PREX1: variants seen among roughly 807,000 people sequenced by gnomAD.
PREX1 encodes the protein phosphatidylinositol 3,4,5-trisphosphate-dependent Rac exchanger 1 protein.
PREX1 carries 41 observed loss-of-function variants against 198.3 expected under a neutral mutation model. That is an observed-to-expected ratio of 0.21 (90% CI 0.16 to 0.27). The LOEUF (loss-of-function observed/expected upper bound fraction) is 0.27. PREX1 is among the 10% of genes least tolerant of loss of function. The pLI, the probability that PREX1 is intolerant of heterozygous loss-of-function variation, is 1.00. For synonymous variants in PREX1, 843 were observed against 887.2 expected (o/e 0.95, Z 0.89); for missense variants, 1,620 against 2,200.7 (o/e 0.74, Z 5.28).
In PREX1 at chr20:48,666,699, GTATTT is replaced by G. The variant is rs1299888551; in HGVS notation, c.1666-349_1666-345del. On this transcript the variant is annotated intron_variant, in intron 14 of 39. Transcript: ENST00000371941. The surrounding 1 kb of genome is among the most constrained non-coding windows in gnomAD (Gnocchi z 4.3). ...TGCCACCACGCCCGGCTAATTTTTT[GTATTT>G]TTAGTAGAGACGGGGTTTCACTGTG... Among the ~76,000 whole-genome samples the G allele has an allele frequency of 1.3e-5, 2 of 151,958 alleles. No individual in the cohort carries two copies. Among genetic ancestry groups the G allele is most frequent in the African/African-American group, 4.8e-5 (2 of 41,370 alleles).
At chr20:48,825,145 A>G (rs1180094218) in intron 1 of PREX1, among the ~76,000 whole-genome samples, 1 of 152,184 alleles carries the variant, frequency 6.6e-6, no homozygotes, top group East Asian at 1.9e-4. Context: ...TTAGTTTTGA[A>G]AACGAAAATG....
chr20:48,722,918 TAAG>T (rs1007303574), intron 5 of PREX1, among the ~76,000 whole-genome samples: 11 of 152,164 alleles, frequency 7.2e-5, no homozygotes, highest in South Asian at 2.1e-4. Context: ...AGGAAATAAC[TAAG>T]AAGATCAGTG....
At chr20:48,668,181 G>A (rs2089652032) in intron 14 of PREX1, among the ~76,000 whole-genome samples, 1 of 152,196 alleles carries the variant, frequency 6.6e-6, no homozygotes, top group Non-Finnish European at 1.5e-5. Flanking sequence ...GCATGTGCAG[G>A]TGGGAGGGAC....
At chr20:48,854,427 G>A in the PREX1 span, among the ~76,000 whole-genome samples, 4,092 of 152,190 alleles carry the variant, frequency 0.027, 208 homozygotes, top group African/African-American at 0.094. Context: ...AGGCACCTGT[G>A]GCTCATGCCT....
At chr20:48,768,714 G>A (rs1300228107) in intron 1 of PREX1, among the ~76,000 whole-genome samples, 3 of 152,038 alleles carry the variant, frequency 2.0e-5, no homozygotes, top group Non-Finnish European at 4.4e-5. Context: ...GACAGAGGTT[G>A]CAGTGAGCTG....
chr20:48,818,478 G>T (rs564697007), intron 1 of PREX1, among the ~76,000 whole-genome samples: 12 of 152,232 alleles, frequency 7.9e-5, no homozygotes, highest in African/African-American at 1.2e-4. Context: ...ACTGATTAGG[G>T]TCTCACTGGA....
intron 39 of PREX1, among the ~76,000 whole-genome samples, chr20:48,626,652 G>A (rs1259305933): frequency 6.6e-6 from 1 of 152,176 alleles, no homozygotes; most frequent in African/African-American, 2.4e-5. Flanking sequence ...CACAAACAAG[G>A]TGTGTGTGGA....
chr20:48,818,610 C>T (rs2090469232), intron 1 of PREX1, among the ~76,000 whole-genome samples: 1 of 152,246 alleles, frequency 6.6e-6, no homozygotes, highest in Non-Finnish European at 1.5e-5. Context: ...CCCCTCTCTG[C>T]AGCTATTTTC....
chr20:48,761,523 C>T (rs1329277720), intron 1 of PREX1, among the ~76,000 whole-genome samples: 2 of 152,104 alleles, frequency 1.3e-5, no homozygotes, highest in Non-Finnish European at 2.9e-5. Flanking sequence ...GTTCTCACCC[C>T]ACCCCGCCCC....
chr20:48,751,119 G>T (rs147976508), intron 1 of PREX1, among the ~76,000 whole-genome samples: 2 of 152,210 alleles, frequency 1.3e-5, no homozygotes, highest in African/African-American at 4.8e-5. Context: ...TTTGGAATGC[G>T]CCTGGCACAG....
chr20:48,629,767 T>A (rs2089299547), intron 36 of PREX1, 146 bp from the exon 37 acceptor site: 1 of 844,080 alleles, frequency 1.2e-6, no homozygotes, highest in South Asian at 1.7e-5. Context: ...GGGATAACAA[T>A]GCAATTCAAT....
At chr20:48,663,389 T>C (rs1008864498) in intron 15 of PREX1, among the ~76,000 whole-genome samples, 3 of 152,124 alleles carry the variant, frequency 2.0e-5, no homozygotes, top group African/African-American at 7.2e-5. Context: ...CGGCTGGGTG[T>C]GGTGGCGCAT....
chr20:48,743,445 T>G (rs1176023088), intron 3 of PREX1, among the ~76,000 whole-genome samples: 2 of 152,128 alleles, frequency 1.3e-5, no homozygotes, highest in Non-Finnish European at 2.9e-5. Flanking sequence ...CGGCTTCCAG[T>G]TCTCCCTCCA....
chr20:48,761,093 G>A (rs921478276), intron 1 of PREX1, among the ~76,000 whole-genome samples: 10 of 152,236 alleles, frequency 6.6e-5, no homozygotes, highest in Admixed American at 2.6e-4. Context: ...AGAGAAAGCC[G>A]TTCTGAGAAG....
At chr20:48,786,819 A>C (rs113602538) in intron 1 of PREX1, among the ~76,000 whole-genome samples, 44 of 42,662 alleles carry the variant, frequency 1.0e-3, no homozygotes, top group African/African-American at 4.9e-3. Flanking sequence ...AGGAAAGAAA[A>C]AGAGAGAGAG....
intron 5 of PREX1, among the ~76,000 whole-genome samples, chr20:48,710,874 G>A (rs577444899): frequency 3.9e-5 from 6 of 152,336 alleles, no homozygotes; most frequent in Non-Finnish European, 5.9e-5. Context: ...GGAGGCCAGC[G>A]GAGCTGCAGC....
intron 1 of PREX1, among the ~76,000 whole-genome samples, chr20:48,790,191 GAAGA>G (rs1467255468): frequency 2.0e-5 from 3 of 152,196 alleles, no homozygotes; most frequent in Non-Finnish European, 4.4e-5. Context: ...AAGGCAGCCA[GAAGA>G]AATAAGTCAG....
intron 1 of PREX1, among the ~76,000 whole-genome samples, chr20:48,754,433 G>A (rs2090147944): frequency 6.6e-6 from 1 of 152,198 alleles, no homozygotes; most frequent in Non-Finnish European, 1.5e-5. Context: ...GGTAGCAGCT[G>A]CCCTTAGGGG....
At chr20:48,764,395 G>A (rs969236707) in intron 1 of PREX1, among the ~76,000 whole-genome samples, 3 of 152,118 alleles carry the variant, frequency 2.0e-5, no homozygotes, top group Non-Finnish European at 4.4e-5. Flanking sequence ...ATGGCAAAAG[G>A]GACTCTGCAG....
Sources: allele counts gnomAD v4.1 joint callset (sites outside exome capture counted in the v4.1 genomes callset), GRCh38; gene constraint gnomAD v4.1.1; non-coding constraint Gnocchi (gnomAD v3.1); transcripts MANE v1.5; gene names NCBI Gene and HGNC (gene_info 2026-07-23, HGNC 2026-07-21).